Variants in CADM2 observed in about 807,000 individuals in gnomAD.
The protein encoded by CADM2 is cell adhesion molecule 2, also known as immunoglobulin superfamily member 4D.
Under a neutral mutation model 49.8 loss-of-function variants are expected in CADM2, and 12 were observed. The ratio of observed to expected loss-of-function variants is 0.24; its 90% CI spans 0.15 to 0.39. The LOEUF (loss-of-function observed/expected upper bound fraction) is 0.39, where lower values mean the gene tolerates loss of function less well. Ranked by LOEUF, CADM2 falls within the 10% of genes least tolerant of loss-of-function variation. CADM2 has a pLI of 1.00. For synonymous variants in CADM2, 214 were observed against 175.4 expected, an observed-to-expected ratio of 1.22 and a Z score of -1.74; for missense variants, 378 against 492.3, an observed-to-expected ratio of 0.77 and a Z score of 2.20.
At chr3:85,395,178 G>T (rs1176274848) in intron 1 of CADM2, among the ~76,000 whole-genome samples, 1 of 151,322 alleles carries the variant, frequency 6.6e-6, no homozygotes, top group Non-Finnish European at 1.5e-5. Context: ...CATACCTGTG[G>T]GCCCAGCTAC....
intron 1 of CADM2, among the ~76,000 whole-genome samples, chr3:85,699,300 G>T (rs755938854): frequency 6.6e-6 from 1 of 152,126 alleles, no homozygotes; most frequent in South Asian, 2.1e-4. Flanking sequence ...AGGACCTGGA[G>T]GATGGCGGCC....
chr3:85,255,589 GA>G (rs367610862), intron 1 of CADM2, among the ~76,000 whole-genome samples: 1 of 151,940 alleles, frequency 6.6e-6, no homozygotes, highest in East Asian at 1.9e-4. Context: ...AGATCCTTGT[GA>G]GAACTGAGTG....
intron 1 of CADM2, among the ~76,000 whole-genome samples, chr3:85,216,291 T>G (rs2072163981): frequency 6.8e-6 from 1 of 147,404 alleles, no homozygotes; most frequent in Non-Finnish European, 1.5e-5. Context: ...ATATTTATAT[T>G]TAATATATTT....
At chr3:85,868,953 A>G (rs957134975) in intron 3 of CADM2, among the ~76,000 whole-genome samples, 1 of 151,840 alleles carries the variant, frequency 6.6e-6, no homozygotes, top group Admixed American at 6.6e-5. Flanking sequence ...TAATTTTTCT[A>G]TGTGTCTTTC....
chr3:85,972,972 C>A (rs1448252524), intron 8 of CADM2, among the ~76,000 whole-genome samples: 1 of 151,658 alleles, frequency 6.6e-6, no homozygotes, highest in Non-Finnish European at 1.5e-5. Context: ...CACTGAAAAC[C>A]TGCGTTTAGA....
chr3:86,042,461 A>G (rs1265354313), intron 8 of CADM2, among the ~76,000 whole-genome samples: 1 of 152,238 alleles, frequency 6.6e-6, no homozygotes, highest in Non-Finnish European at 1.5e-5. Context: ...CTCCATGCAT[A>G]TAAATTAGAA....
chr3:85,465,822 G>C (rs925108096), intron 1 of CADM2, among the ~76,000 whole-genome samples: 6 of 152,138 alleles, frequency 3.9e-5, no homozygotes. Flanking sequence ...GTAATACATA[G>C]GGGCTGTATC....
At chr3:85,041,809 C>T (rs2035454717) in intron 1 of CADM2, among the ~76,000 whole-genome samples, 1 of 152,112 alleles carries the variant, frequency 6.6e-6, no homozygotes, top group Non-Finnish European at 1.5e-5. Flanking sequence ...TGTGCCGTGG[C>T]AGACAGGCAG....
intron 1 of CADM2, among the ~76,000 whole-genome samples, chr3:85,630,048 G>GT (rs2064258750): frequency 1.3e-5 from 2 of 151,954 alleles, no homozygotes; most frequent in South Asian, 4.1e-4. Flanking sequence ...TTGAATGGTA[G>GT]TAAAACAGGT....
At chr3:85,138,801 C>T (rs2107623343) in intron 1 of CADM2, among the ~76,000 whole-genome samples, 1 of 152,240 alleles carries the variant, frequency 6.6e-6, no homozygotes, top group Middle Eastern at 3.4e-3. Context: ...CTAGCAGTGT[C>T]ATTTTGCCCA....
rs1032115800 is a variant in CADM2, at chr3:85,837,907, A to G, written c.238+35711A>G. Among the ~76,000 whole-genome samples, 7 of 151,926 alleles carry G rather than the reference A, an allele frequency of 4.6e-5. No homozygotes were observed. In the East Asian group the frequency reaches 1.4e-3, roughly 30 times the overall value. ...AAAGTATGCTGCATTTATACTAATTATCCATTCAGTAGCTTCCTCCATAGC... is the reference window on the plus strand; with the variant it reads ...AAAGTATGCTGCATTTATACTAATTGTCCATTCAGTAGCTTCCTCCATAGC... On this transcript the variant is annotated intron_variant, in intron 3 of 9. Coordinates refer to ENST00000383699, the MANE Select transcript of CADM2 (RefSeq NM_001167675.2).
At chr3:85,589,391 C>T (rs2063040244) in intron 1 of CADM2, among the ~76,000 whole-genome samples, 1 of 151,816 alleles carries the variant, frequency 6.6e-6, no homozygotes, top group South Asian at 2.1e-4. Flanking sequence ...GAAAAGACAA[C>T]AAGTAAAAAT....
intron 8 of CADM2, among the ~76,000 whole-genome samples, chr3:86,058,845 GCACTTTGGGAGGCCTAA>G (rs1738294320): frequency 6.6e-6 from 1 of 151,738 alleles, no homozygotes; most frequent in Non-Finnish European, 1.5e-5. Flanking sequence ...TGTAATCCTA[GCACTTTGGGAGGCCTAA>G]GCAGGTGGAT....
intron 9 of CADM2, among the ~76,000 whole-genome samples, chr3:86,066,037 T>C (rs925791640): frequency 6.6e-6 from 1 of 152,158 alleles, no homozygotes; most frequent in Admixed American, 6.5e-5. Context: ...TATAACTATT[T>C]GGTTGATGTT....
At chr3:85,362,281 A>G (rs1416438093) in intron 1 of CADM2, among the ~76,000 whole-genome samples, 2 of 152,180 alleles carry the variant, frequency 1.3e-5, no homozygotes. Flanking sequence ...AGTAACTACA[A>G]TTTGGAATAA....
intron 1 of CADM2, among the ~76,000 whole-genome samples, chr3:85,599,295 G>A (rs962156993): frequency 5.9e-5 from 9 of 151,920 alleles, no homozygotes; most frequent in Non-Finnish European, 2.9e-5. Context: ...CCACTATTAG[G>A]TCTTGGCTGT....
At chr3:85,859,666 T>A (rs2075449478) in intron 3 of CADM2, among the ~76,000 whole-genome samples, 1 of 152,226 alleles carries the variant, frequency 6.6e-6, no homozygotes, top group Admixed American at 6.5e-5. Context: ...CTTCTCCAAA[T>A]CTAATTTCGG....
intron 8 of CADM2, among the ~76,000 whole-genome samples, chr3:86,061,986 T>TGG (rs11456162): frequency 0.064 from 8,431 of 132,610 alleles, 319 homozygotes; most frequent in Non-Finnish European, 0.083. Context: ...CTGTTGATGG[T>TGG]GGGGGGGGGG....
At chr3:84,996,470 T>TA (rs1011154116) in intron 1 of CADM2, among the ~76,000 whole-genome samples, 5 of 152,098 alleles carry the variant, frequency 3.3e-5, no homozygotes, top group African/African-American at 9.7e-5. Context: ...AGACTAGCTA[T>TA]AAAAAGGGAA....
Sources: allele counts gnomAD v4.1 joint callset (sites outside exome capture counted in the v4.1 genomes callset), GRCh38; gene constraint gnomAD v4.1.1; transcripts MANE v1.5; gene names NCBI Gene and HGNC (gene_info 2026-07-23, HGNC 2026-07-21).